CES5A: variants seen among roughly 807,000 people sequenced by gnomAD.
CES5A encodes carboxylesterase 5A.
CES5A carries 67 observed loss-of-function variants against 62.9 expected under a neutral mutation model. The observed-to-expected ratio is 1.07, with a 90% CI of 0.88 to 1.31. CES5A has a LOEUF of 1.31. Ranked by LOEUF, CES5A falls within the 50% of genes most tolerant of loss-of-function variation. The probability of loss-of-function intolerance (pLI) is 0.00; values close to 1 mark genes in which losing one functional copy is unlikely to be tolerated. For missense variants in CES5A, 748 were observed against 708.5 expected, an observed-to-expected ratio of 1.06 and a Z score of -0.63; for synonymous variants, 296 against 280.8, an observed-to-expected ratio of 1.05 and a Z score of -0.54.
chr16:55,938,083 A>T (rs938704240), intron 2 of CES5A, among the ~76,000 whole-genome samples: 1 of 152,182 alleles, frequency 6.6e-6, no homozygotes, highest in African/African-American at 2.4e-5. Context: ...TGAATAAGCT[A>T]TGTCATCTCT....
At chr16:55,871,309 T>C (rs1202161708) in intron 3 of CES5A, among the ~76,000 whole-genome samples, 1 of 152,140 alleles carries the variant, frequency 6.6e-6, no homozygotes, top group Non-Finnish European at 1.5e-5. Context: ...AAAAGATACC[T>C]CAAATTTAAG....
At chr16:55,870,094 G>A (rs746667334) in intron 3 of CES5A, among the ~76,000 whole-genome samples, 1 of 152,224 alleles carries the variant, frequency 6.6e-6, no homozygotes, top group South Asian at 2.1e-4. Context: ...AGAACAATGA[G>A]CAATAGCACA....
At chr16:55,928,931 G>T (rs992053569), upstream of CES5A, among the ~76,000 whole-genome samples, 1 of 152,152 alleles carries the variant, frequency 6.6e-6, no homozygotes, top group Non-Finnish European at 1.5e-5. Context: ...TCATGGGAAG[G>T]TCTTCTAGCA....
intron 5 of CES5A, among the ~76,000 whole-genome samples, chr16:55,863,727 A>C (rs1210413104): frequency 6.6e-6 from 1 of 151,476 alleles, no homozygotes; most frequent in Non-Finnish European, 1.5e-5. Flanking sequence ...AACCTCGGAC[A>C]AGTTGCTTAA....
At position 55,871,652 on chromosome 16, in the gene CES5A, G is replaced by A. The variant is rs373286926; in HGVS notation, c.390C>T (p.Ala130=). The change falls in exon 3 of 13, where the codon GCC becomes GCT. Residue 130 remains alanine, a synonymous_variant. Transcript: ENST00000290567. ...DCLYLNIYAP[A]HADTGSKLPV... is the part of the protein sequence containing the mutation. ...GGAGCTTGGAGCCTGTATCGGCGTG[G>A]GCAGGCGCATAGATGTTCAGGTAGA... is the stretch of plus-strand genomic sequence containing the variant. 126 of 1,614,000 alleles carry A rather than the reference G, an allele frequency of 7.8e-5. No homozygotes were observed. Among genetic ancestry groups the A allele is most frequent in the Non-Finnish European group, 1.0e-4 (121 of 1,180,018 alleles).
chr16:55,938,777 TATATATATATATATATATATAC>T (rs1210665725), intron 2 of CES5A, among the ~76,000 whole-genome samples: 6 of 80,536 alleles, frequency 7.5e-5, no homozygotes, highest in African/African-American at 2.6e-4. Context: ...TATATATATA[TATATATATATATATATATATAC>T]ACACATATAT....
At chr16:55,950,005 A>G (rs2034537780) in intron 1 of CES5A, 1 of 424,866 alleles carries the variant, frequency 2.4e-6, no homozygotes, top group Non-Finnish European at 3.7e-6. Context: ...ATATAACAAC[A>G]TATAATAATA....
At chr16:55,928,057 C>T (rs991100617), upstream of CES5A, among the ~76,000 whole-genome samples, 1 of 152,064 alleles carries the variant, frequency 6.6e-6, no homozygotes, top group Non-Finnish European at 1.5e-5. Flanking sequence ...TCCTGGCTAG[C>T]ACGGTGAAAC....
chr16:55,907,001 A>G (rs1266784519), intron 1 of CES5A, among the ~76,000 whole-genome samples: 4 of 152,356 alleles, frequency 2.6e-5, no homozygotes, highest in African/African-American at 7.2e-5. Flanking sequence ...TGTTGTAAAG[A>G]TTAAAAAGTT....
At position 55,873,909 on chromosome 16, in the gene CES5A, C is replaced by T. The variant is rs1466641266; in HGVS notation, c.202G>A (p.Gly68Arg). 1.6e-5 allele frequency: 26 copies of T among 1,613,872 alleles called. No homozygotes were observed. Among genetic ancestry groups the T allele is most frequent in the Middle Eastern group, 1.6e-4 (1 of 6,062 alleles). The change falls in exon 2 of 13, where the codon GGA becomes AGA. Residue 68 changes from glycine to arginine, a missense_variant. Transcript: ENST00000290567. The part of the protein sequence containing the change: ...LGVPFAAPPL[G>R]SLRFTNPQPA... Reference sequence around the variant, plus strand: ...TGCGGGTTCGTAAATCGCAGGGATCCCAGCGGGGGAGCAGCAAAGGGGACT... The same window carrying T: ...TGCGGGTTCGTAAATCGCAGGGATCTCAGCGGGGGAGCAGCAAAGGGGACT...
intron 2 of CES5A, 110 bp from the exon 3 acceptor site, chr16:55,871,873 A>G (rs2033597021): frequency 8.9e-7 from 1 of 1,129,910 alleles, no homozygotes; most frequent in Non-Finnish European, 1.3e-6. Context: ...CTGCCTGAGC[A>G]GAAGAGGCAG....
At chr16:55,846,956 T>A in intron 11 of CES5A, 116 bp from the exon 12 acceptor site, 1 of 881,182 alleles carries the variant, frequency 1.1e-6, no homozygotes, top group Non-Finnish European at 1.8e-6. Context: ...CTTACAAGCC[T>A]ACCAAGTCAC....
Position 55,875,041 on chromosome 16 carries a change from T to A in CES5A, c.73+108A>T. The stretch of plus-strand genomic sequence containing the variant: ...TGATGCCATCAAAGTACTACATAGC[T>A]CTCCACTGGCCCTCAGAGACCTCTG... On this transcript the variant is annotated intron_variant, in intron 1 of 12. Coordinates refer to ENST00000290567, the MANE Select transcript of CES5A (RefSeq NM_001143685.2). The A allele has an allele frequency of 2.8e-6, 3 of 1,088,726 alleles. No individual in the cohort carries two copies. In the Admixed American group the frequency reaches 5.1e-5, roughly 19 times the overall value. 67.4% of individuals were successfully genotyped at this position (1,088,726 alleles called of 1,614,324 possible). A position where few individuals can be genotyped will look rare whatever the true frequency, so the allele number is the denominator to read the frequency against.
rs1432370148 is a variant in CES5A at position 55,854,452 on chromosome 16, C to G, written c.1126-1424G>C. Among the ~76,000 whole-genome samples the G allele has an allele frequency of 1.1e-4, 17 of 151,786 alleles. 1 individual carries two copies. In the South Asian group the frequency reaches 3.3e-3, roughly 30 times the overall value. On this transcript the variant is annotated intron_variant, in intron 9 of 12. Coordinates refer to ENST00000290567, the MANE Select transcript of CES5A (RefSeq NM_001143685.2). The stretch of plus-strand genomic sequence containing the variant: ...ATCAATATCTCTCAAACCTTAGTCC[C>G]AATTCATCATCAGACAGCTGCAACT...
intron 1 of CES5A, among the ~76,000 whole-genome samples, chr16:55,898,972 A>G (rs1171677728): frequency 6.6e-6 from 1 of 152,196 alleles, no homozygotes. Flanking sequence ...GGTTTTCTTA[A>G]GTTCCTACTG....
At chr16:55,893,089 T>G (rs1201583926) in intron 1 of CES5A, among the ~76,000 whole-genome samples, 5 of 152,086 alleles carry the variant, frequency 3.3e-5, no homozygotes, top group Non-Finnish European at 5.9e-5. Flanking sequence ...TCTGAGTAAG[T>G]AGTAGCACTG....
intron 1 of CES5A, among the ~76,000 whole-genome samples, chr16:55,894,297 A>G (rs553377352): frequency 8.9e-4 from 136 of 152,128 alleles, no homozygotes; most frequent in African/African-American, 3.1e-3. Flanking sequence ...TCATGAGGTC[A>G]GGAGTTCAAG....
intron 1 of CES5A, among the ~76,000 whole-genome samples, chr16:55,882,926 G>A (rs1161192298): frequency 3.3e-5 from 5 of 152,176 alleles, no homozygotes; most frequent in Non-Finnish European, 5.9e-5. Context: ...TGATGTTCTT[G>A]GGACATCCAG....
At chr16:55,887,148 CAA>C (rs2033825037) in intron 1 of CES5A, among the ~76,000 whole-genome samples, 1 of 152,036 alleles carries the variant, frequency 6.6e-6, no homozygotes, top group Non-Finnish European at 1.5e-5. Flanking sequence ...GTCTGAGAAT[CAA>C]GAGGTGAAAG....
Sources: gnomAD v4.1 joint callset for allele counts (sites outside exome capture counted in the v4.1 genomes callset) on GRCh38, gnomAD v4.1.1 for gene constraint, MANE v1.5 for transcripts, NCBI Gene and HGNC (gene_info 2026-07-23, HGNC 2026-07-21) for gene names.